FRAS1: variants seen among roughly 807,000 people sequenced by gnomAD.
FRAS1 encodes Fraser extracellular matrix complex subunit 1, also known as extracellular matrix organizing protein FRAS1.
A neutral mutation model predicts 435.2 loss-of-function variants in FRAS1; 290 were observed. The observed-to-expected ratio is 0.67, with a 90% CI of 0.61 to 0.73. The LOEUF (loss-of-function observed/expected upper bound fraction) is 0.73, where lower values mean the gene tolerates loss of function less well. FRAS1 is among the 30% of genes least tolerant of loss of function. The pLI, the probability that FRAS1 is intolerant of heterozygous loss-of-function variation, is 0.00. For synonymous variants in FRAS1, 1,800 were observed against 1,851.0 expected, an observed-to-expected ratio of 0.97 and a Z score of 0.71; for missense variants, 4,860 against 5,001.5, an observed-to-expected ratio of 0.97 and a Z score of 0.85.
intron 2 of FRAS1, among the ~76,000 whole-genome samples, chr4:78,084,382 T>C (rs1268154446): frequency 6.6e-6 from 1 of 152,150 alleles, no homozygotes; most frequent in Non-Finnish European, 1.5e-5. Flanking sequence ...GATTGATTCC[T>C]TAGGCTGCAA....
intron 2 of FRAS1, among the ~76,000 whole-genome samples, chr4:78,090,100 G>A (rs1161206072): frequency 6.6e-6 from 1 of 152,178 alleles, no homozygotes; most frequent in African/African-American, 2.4e-5. Context: ...AGAATCAAGG[G>A]ACCCACCTAA....
chr4:78,281,828 A>G (rs906190697), intron 11 of FRAS1, among the ~76,000 whole-genome samples: 2 of 152,122 alleles, frequency 1.3e-5, no homozygotes, highest in African/African-American at 4.8e-5. Flanking sequence ...AAACAATCTC[A>G]AGTTTATTCT....
chr4:78,417,843 G>A (rs891285020), intron 32 of FRAS1, among the ~76,000 whole-genome samples: 3 of 152,238 alleles, frequency 2.0e-5, no homozygotes, highest in African/African-American at 7.2e-5. Flanking sequence ...GAGCAGGAGA[G>A]CATGTCACAC....
At chr4:78,066,132 G>A (rs993995245) in intron 2 of FRAS1, 116 bp downstream of exon 2, 4 of 759,664 alleles carry the variant, frequency 5.3e-6, no homozygotes, top group Admixed American at 4.4e-5. Flanking sequence ...TTTCTTCAAC[G>A]TTTGACAATT....
intron 2 of FRAS1, among the ~76,000 whole-genome samples, chr4:78,129,255 T>C (rs1193677258): frequency 6.6e-6 from 1 of 152,250 alleles, no homozygotes; most frequent in Non-Finnish European, 1.5e-5. Context: ...TTTGGTTCCA[T>C]ATGAACTTTA....
At chr4:78,128,805 T>A (rs1719521835) in intron 2 of FRAS1, among the ~76,000 whole-genome samples, 1 of 152,218 alleles carries the variant, frequency 6.6e-6, no homozygotes, top group Non-Finnish European at 1.5e-5. Flanking sequence ...TTGCTTTTGG[T>A]GTATTAGACA....
intron 64 of FRAS1, among the ~76,000 whole-genome samples, chr4:78,512,175 T>C (rs1721062059): frequency 6.6e-6 from 1 of 152,228 alleles, no homozygotes; most frequent in Non-Finnish European, 1.5e-5. Context: ...ATGGATGTTT[T>C]CATTTTTGCA....
chr4:78,299,800 T>C (rs1204277227), intron 14 of FRAS1, among the ~76,000 whole-genome samples: 1 of 152,214 alleles, frequency 6.6e-6, no homozygotes, highest in Non-Finnish European at 1.5e-5. Context: ...AGCCTCACTT[T>C]CCATTCATCA....
At chr4:78,257,003 C>G (rs563591373) in intron 6 of FRAS1, among the ~76,000 whole-genome samples, 1 of 152,144 alleles carries the variant, frequency 6.6e-6, no homozygotes, top group Admixed American at 6.5e-5. Flanking sequence ...TATCACCCCA[C>G]CTCTACCATA....
rs753793525 is a variant in FRAS1, at chr4:78,469,952, G to A, written c.7258-26G>A. ...TACTTCAGGTACTTGTGAATGATGAGTTTTCTTTTCTGCCCTCCCCTTCAG... is the reference window on the plus strand; with the variant it reads ...TACTTCAGGTACTTGTGAATGATGAATTTTCTTTTCTGCCCTCCCCTTCAG... On this transcript the variant is annotated intron_variant, in intron 50 of 73. Transcript: ENST00000512123. The A allele has an allele frequency of 9.6e-6, 15 of 1,557,102 alleles. No homozygotes were observed. In the East Asian group the frequency reaches 3.2e-4, roughly 33 times the overall value.
In FRAS1 at chr4:78,464,379, A is replaced by G. The variant is rs1252332578; in HGVS notation, c.6889-64A>G. The stretch of plus-strand genomic sequence containing the variant: ...TGAAAGAGAAAAGTAGAGAGCACCT[A>G]CCTTGGACTTGTTGGGTAGGTGCTA... On this transcript the variant is annotated intron_variant, in intron 48 of 73. Transcript: ENST00000512123. 1.3e-5 allele frequency: 21 copies of G among 1,599,040 alleles called. No homozygotes were observed. In the South Asian group the frequency reaches 2.2e-4, roughly 17 times the overall value.
At chr4:78,341,243 A>C (rs1730386496) in intron 20 of FRAS1, among the ~76,000 whole-genome samples, 1 of 152,208 alleles carries the variant, frequency 6.6e-6, no homozygotes, top group African/African-American at 2.4e-5. Context: ...AATGGGCCAA[A>C]GAGGATTATT....
chr4:78,324,539 A>G (rs1030213489), intron 18 of FRAS1, among the ~76,000 whole-genome samples: 1 of 152,144 alleles, frequency 6.6e-6, no homozygotes, highest in Non-Finnish European at 1.5e-5. Context: ...AATTTTGTTG[A>G]AAATCTTGAA....
chr4:78,166,759 G>C (rs1721348141), intron 2 of FRAS1, among the ~76,000 whole-genome samples: 1 of 152,148 alleles, frequency 6.6e-6, no homozygotes, highest in Non-Finnish European at 1.5e-5. Flanking sequence ...CTTGTGGTTA[G>C]ATGTATCATT....
At chr4:78,368,932 G>A (rs1228465922) in intron 22 of FRAS1, among the ~76,000 whole-genome samples, 4 of 152,140 alleles carry the variant, frequency 2.6e-5, no homozygotes, top group Non-Finnish European at 4.4e-5. Flanking sequence ...ATGACATTGA[G>A]TTTGAAGGCG....
chr4:78,477,627 G>A (rs1434250740), intron 54 of FRAS1, among the ~76,000 whole-genome samples, 188 bp from the exon 55 acceptor site: 1 of 152,208 alleles, frequency 6.6e-6, no homozygotes, highest in East Asian at 1.9e-4. Context: ...TCCTGTACAG[G>A]TTAAGAATGG....
chr4:78,346,990 C>A (rs1730627058), intron 20 of FRAS1, among the ~76,000 whole-genome samples: 3 of 152,120 alleles, frequency 2.0e-5, no homozygotes, highest in South Asian at 2.1e-4. Context: ...TTTCTATTTT[C>A]TCCTTAGATT....
At position 78,333,439 on chromosome 4, in the gene FRAS1, T is replaced by C. The variant is rs1446263981; in HGVS notation, c.2278+27T>C. ...TGAGTATGTAATGTGCTGAGGCACATTGCCTATGACCATGTTTTGTCTTCA... is the reference window on the plus strand; with the variant it reads ...TGAGTATGTAATGTGCTGAGGCACACTGCCTATGACCATGTTTTGTCTTCA... On this transcript the variant is annotated intron_variant, in intron 19 of 73. Coordinates refer to ENST00000512123, the MANE Select transcript of FRAS1 (RefSeq NM_025074.7). 13 of 1,602,552 alleles carry C rather than the reference T, an allele frequency of 8.1e-6. No homozygotes were observed. In the East Asian group the frequency reaches 9.0e-5, roughly 11 times the overall value.
At chr4:78,374,738 A>G (rs1018660965) in intron 25 of FRAS1, among the ~76,000 whole-genome samples, 2 of 152,234 alleles carry the variant, frequency 1.3e-5, no homozygotes, top group Non-Finnish European at 2.9e-5. Context: ...CCACTGGATT[A>G]GCTAAGAGAG....
Sources: gnomAD v4.1 joint callset for allele counts (sites outside exome capture counted in the v4.1 genomes callset) on GRCh38, gnomAD v4.1.1 for gene constraint, MANE v1.5 for transcripts, NCBI Gene and HGNC (gene_info 2026-07-23, HGNC 2026-07-21) for gene names.